The following ADAMTSL1 variants were observed in gnomAD, a reference collection of about 807,000 sequenced individuals.
ADAMTSL1 encodes the protein ADAMTS like 1, also known as ADAMTS-like protein 1.
ADAMTSL1 carries 126 observed loss-of-function variants against 201.8 expected under a neutral mutation model. The observed-to-expected ratio is 0.62, with a 90% CI of 0.54 to 0.72. The LOEUF (loss-of-function observed/expected upper bound fraction) is 0.72. ADAMTSL1 is among the 30% of genes least tolerant of loss of function. ADAMTSL1 has a pLI of 0.00. For synonymous variants in ADAMTSL1, 1,121 were observed against 903.4 expected, an observed-to-expected ratio of 1.24 and a Z score of -4.32; for missense variants, 2,679 against 2,277.8, an observed-to-expected ratio of 1.18 and a Z score of -3.59.
rs375609744 is a variant in ADAMTSL1 at position 18,035,468 on chromosome 9, G to A, written c.88-128394G>A. On this transcript the variant is annotated intron_variant, in intron 1 of 29. Coordinates refer to the ADAMTSL1 transcript ENST00000680146. The stretch of plus-strand genomic sequence containing the variant: ...AGGGGTAATAGCATCAGTTATCCCA[G>A]GGAAAGCAGTCCGTTTACTTGGGCT... Among the ~76,000 whole-genome samples, 19 of 152,268 alleles carry A rather than the reference G, an allele frequency of 1.2e-4. No homozygotes were observed. The South Asian group carries it at 3.7e-3, about 30-fold the overall frequency.
intron 1 of ADAMTSL1, among the ~76,000 whole-genome samples, chr9:18,127,182 G>A (rs1299510086): frequency 2.6e-5 from 4 of 152,130 alleles, no homozygotes. Flanking sequence ...GAGACAACCA[G>A]GCCATTTAGA....
chr9:18,892,627 G>A, intron 26 of ADAMTSL1, 31 bp downstream of exon 26: 2 of 1,547,222 alleles, frequency 1.3e-6, no homozygotes, highest in Non-Finnish European at 1.7e-6. Context: ...TTATTTGAAA[G>A]CTAAATCTAA....
intron 1 of ADAMTSL1, among the ~76,000 whole-genome samples, chr9:18,501,035 G>T (rs1822805363): frequency 1.3e-5 from 2 of 152,094 alleles, no homozygotes. Context: ...GAAAAACATT[G>T]GCTGGCCTGT....
chr9:18,649,720 A>G (rs1587797838), intron 7 of ADAMTSL1, among the ~76,000 whole-genome samples: 1 of 152,180 alleles, frequency 6.6e-6, no homozygotes, highest in East Asian at 1.9e-4. Context: ...ATGAACCTCA[A>G]ATGCTGCTGT....
intron 2 of ADAMTSL1, among the ~76,000 whole-genome samples, chr9:18,468,327 T>A (rs1382937749): frequency 2.6e-5 from 4 of 152,222 alleles, no homozygotes; most frequent in Admixed American, 1.3e-4. Context: ...TTGTTTTGTG[T>A]TTTGTTTTGT....
intron 1 of ADAMTSL1, among the ~76,000 whole-genome samples, chr9:18,017,479 G>T (rs1448906261): frequency 6.6e-6 from 1 of 151,930 alleles, no homozygotes; most frequent in East Asian, 1.9e-4. Flanking sequence ...TTACAGGATA[G>T]ACCATCAAGG....
At chr9:18,013,365 G>A (rs1279870025) in intron 1 of ADAMTSL1, among the ~76,000 whole-genome samples, 2 of 151,974 alleles carry the variant, frequency 1.3e-5, no homozygotes, top group Admixed American at 1.3e-4. Flanking sequence ...TCAAAACAAT[G>A]TGTTTTTCAG....
At chr9:18,017,197 T>A (rs1006097390) in intron 1 of ADAMTSL1, among the ~76,000 whole-genome samples, 2 of 152,034 alleles carry the variant, frequency 1.3e-5, no homozygotes, top group Admixed American at 6.6e-5. Context: ...TTGTTCATGT[T>A]GTTCTTTGCA....
intron 2 of ADAMTSL1, among the ~76,000 whole-genome samples, chr9:18,240,737 A>C (rs1831029114): frequency 6.6e-6 from 1 of 152,202 alleles, no homozygotes; most frequent in African/African-American, 2.4e-5. Context: ...TGTTTCATCT[A>C]CGTTGAAAAT....
At chr9:18,290,726 C>G (rs1833217099) in intron 2 of ADAMTSL1, among the ~76,000 whole-genome samples, 1 of 151,638 alleles carries the variant, frequency 6.6e-6, no homozygotes, top group Non-Finnish European at 1.5e-5. Flanking sequence ...CCCCTTTACC[C>G]TACTTGATCA....
intron 1 of ADAMTSL1, among the ~76,000 whole-genome samples, chr9:18,062,902 A>T (rs1472940490): frequency 2.6e-5 from 4 of 152,188 alleles, no homozygotes; most frequent in Non-Finnish European, 5.9e-5. Flanking sequence ...TAATTTTCTT[A>T]AATTTAGTAA....
intron 2 of ADAMTSL1, among the ~76,000 whole-genome samples, chr9:18,269,495 C>T: frequency 6.6e-6 from 1 of 151,904 alleles, no homozygotes; most frequent in Non-Finnish European, 1.5e-5. Flanking sequence ...AAAAAAATAC[C>T]AAAGGAGAAA....
At chr9:18,027,646 T>G (rs1348011736) in intron 1 of ADAMTSL1, among the ~76,000 whole-genome samples, 2 of 152,068 alleles carry the variant, frequency 1.3e-5, no homozygotes, top group Non-Finnish European at 2.9e-5. Context: ...ATGTGGTTGA[T>G]CTTAGAGTAT....
intron 1 of ADAMTSL1, among the ~76,000 whole-genome samples, chr9:18,155,087 T>C (rs549450426): frequency 1.3e-5 from 2 of 152,142 alleles, no homozygotes; most frequent in South Asian, 4.1e-4. Context: ...AACATTTTGT[T>C]TTTGAAGGGG....
chr9:18,448,835 T>C (rs906834319), intron 2 of ADAMTSL1, among the ~76,000 whole-genome samples: 25 of 152,172 alleles, frequency 1.6e-4, no homozygotes, highest in African/African-American at 5.5e-4. Flanking sequence ...TAAAATTTAA[T>C]TTTAAAGTTT....
chr9:18,499,598 C>A (rs1400283143), intron 1 of ADAMTSL1, among the ~76,000 whole-genome samples: 2 of 152,190 alleles, frequency 1.3e-5, no homozygotes, highest in Non-Finnish European at 2.9e-5. Context: ...GGAGTTGCCC[C>A]TCTTTTTAAT....
chr9:18,800,719 T>G (rs1822740742), intron 20 of ADAMTSL1, among the ~76,000 whole-genome samples: 2 of 152,168 alleles, frequency 1.3e-5, no homozygotes, highest in African/African-American at 4.8e-5. Flanking sequence ...CAACATCTAT[T>G]CAATGGAATG....
chr9:18,129,985 C>A (rs866304039), intron 1 of ADAMTSL1, among the ~76,000 whole-genome samples: 4 of 152,162 alleles, frequency 2.6e-5, no homozygotes, highest in Non-Finnish European at 4.4e-5. Flanking sequence ...CTACATCAGT[C>A]GCATGCACTG....
At chr9:18,803,797 A>G (rs374729314) in intron 20 of ADAMTSL1, among the ~76,000 whole-genome samples, 1 of 152,070 alleles carries the variant, frequency 6.6e-6, no homozygotes, top group African/African-American at 2.4e-5. Context: ...CCTGGTTTGT[A>G]TTTCATTTTC....
Sources: allele counts gnomAD v4.1 joint callset (sites outside exome capture counted in the v4.1 genomes callset), GRCh38; gene constraint gnomAD v4.1.1; transcripts MANE v1.5; gene names NCBI Gene and HGNC (gene_info 2026-07-23, HGNC 2026-07-21).